CACNA2D3: variants seen among roughly 807,000 people sequenced by gnomAD.
The protein encoded by CACNA2D3 is voltage-dependent calcium channel subunit alpha-2/delta-3.
Under a neutral mutation model 160.6 loss-of-function variants are expected in CACNA2D3, and 60 were observed. The observed-to-expected ratio is 0.37, with a 90% CI of 0.30 to 0.46. The LOEUF (loss-of-function observed/expected upper bound fraction) is 0.46, where lower values mean the gene tolerates loss of function less well. CACNA2D3 is among the 20% of genes least tolerant of loss of function. The probability of loss-of-function intolerance (pLI) is 1.00; values close to 1 mark genes in which losing one functional copy is unlikely to be tolerated. For synonymous variants in CACNA2D3, 558 were observed against 492.9 expected (o/e 1.13, Z -1.75); for missense variants, 1,205 against 1,365.0 (o/e 0.88, Z 1.85).
intron 2 of CACNA2D3, among the ~76,000 whole-genome samples, chr3:54,134,154 C>T (rs1699771540): frequency 6.6e-6 from 1 of 152,144 alleles, no homozygotes; most frequent in Non-Finnish European, 1.5e-5. Context: ...AGCCACAGCC[C>T]TGGACTCACT....
Position 54,969,829 on chromosome 3 carries a change from C to A in CACNA2D3, c.2541C>A (p.Ile847=). The A allele has an allele frequency of 6.2e-7, 1 of 1,613,562 alleles. No individual in the cohort carries two copies. The highest frequency in any genetic ancestry group is 8.5e-7 in the Non-Finnish European group (1 of 1,179,654). Reference sequence around the variant, plus strand: ...CTTCCCTGGATGGCAAATGCTCCATCAGCTGTGATGATGAGGTAAGACGGC... The same window carrying A: ...CTTCCCTGGATGGCAAATGCTCCATAAGCTGTGATGATGAGGTAAGACGGC... ...QCASLDGKCS[I]SCDDETVNCY... is the part of the protein sequence containing the mutation. The change falls in exon 29 of 38, where the codon ATC becomes ATA. Residue 847 remains isoleucine (I), a synonymous_variant. Transcript: ENST00000474759.
chr3:54,502,806 C>T (rs1295398089), intron 4 of CACNA2D3, among the ~76,000 whole-genome samples: 1 of 152,194 alleles, frequency 6.6e-6, no homozygotes, highest in Admixed American at 6.5e-5. Context: ...TGAGTTAACA[C>T]ATGAAAAGCA....
At chr3:54,897,646 T>C (rs901879763) in intron 26 of CACNA2D3, among the ~76,000 whole-genome samples, 4 of 152,230 alleles carry the variant, frequency 2.6e-5, no homozygotes, top group Non-Finnish European at 5.9e-5. Context: ...ATATTTTACA[T>C]ATATCAGTTC....
chr3:54,422,663 A>AATGATG (rs539482855), intron 4 of CACNA2D3, among the ~76,000 whole-genome samples: 19 of 151,920 alleles, frequency 1.3e-4, no homozygotes, highest in African/African-American at 4.6e-4. Flanking sequence ...GCAAAATAAT[A>AATGATG]ATGATGATGA....
At chr3:54,690,582 A>G (rs997383683) in intron 11 of CACNA2D3, among the ~76,000 whole-genome samples, 4 of 152,056 alleles carry the variant, frequency 2.6e-5, no homozygotes, top group African/African-American at 9.7e-5. Flanking sequence ...TTATCTGGCT[A>G]GTGGTATTTG....
At chr3:54,429,348 G>A (rs1699954772) in intron 4 of CACNA2D3, among the ~76,000 whole-genome samples, 2 of 152,260 alleles carry the variant, frequency 1.3e-5, no homozygotes, top group South Asian at 2.1e-4. Context: ...ATAATGGCAA[G>A]CAGTTTTTTT....
intron 9 of CACNA2D3, among the ~76,000 whole-genome samples, chr3:54,602,427 G>A (rs1342389491): frequency 6.7e-6 from 1 of 149,296 alleles, no homozygotes. Flanking sequence ...GAACCTGGGA[G>A]GTGGAGGTTG....
At chr3:54,166,721 TATCAG>T (rs1700464910) in intron 2 of CACNA2D3, among the ~76,000 whole-genome samples, 1 of 152,232 alleles carries the variant, frequency 6.6e-6, no homozygotes, top group South Asian at 2.1e-4. Context: ...TTGTTGCACT[TATCAG>T]ATAACTTTAT....
intron 4 of CACNA2D3, among the ~76,000 whole-genome samples, chr3:54,444,177 T>A (rs537667384): frequency 3.5e-4 from 53 of 152,356 alleles, no homozygotes; most frequent in Non-Finnish European, 6.6e-4. Context: ...GGTGCCCAGC[T>A]GTCTCCTAGC....
At chr3:54,452,006 T>C (rs2106819311) in intron 4 of CACNA2D3, among the ~76,000 whole-genome samples, 1 of 152,320 alleles carries the variant, frequency 6.6e-6, no homozygotes, top group South Asian at 2.1e-4. Flanking sequence ...AATAACATGT[T>C]CATAATTTCC....
At chr3:54,175,339 G>A (rs1012447264) in intron 2 of CACNA2D3, among the ~76,000 whole-genome samples, 1 of 152,004 alleles carries the variant, frequency 6.6e-6, no homozygotes, top group Non-Finnish European at 1.5e-5. Context: ...GATTAAGGCC[G>A]GGCGCGGTGG....
At chr3:54,651,379 C>T (rs1406669138) in intron 11 of CACNA2D3, among the ~76,000 whole-genome samples, 7 of 148,588 alleles carry the variant, frequency 4.7e-5, no homozygotes, top group African/African-American at 1.8e-4. Flanking sequence ...AAGATGAGTG[C>T]GATTTCCGTG....
chr3:54,906,641 A>C (rs1000278983), intron 27 of CACNA2D3, among the ~76,000 whole-genome samples: 2 of 152,202 alleles, frequency 1.3e-5, no homozygotes, highest in African/African-American at 4.8e-5. Context: ...AGGTTCTACA[A>C]CCAGAGCTGA....
At chr3:54,525,939 T>A (rs1048919683) in intron 5 of CACNA2D3, among the ~76,000 whole-genome samples, 8 of 152,112 alleles carry the variant, frequency 5.3e-5, no homozygotes, top group Non-Finnish European at 1.2e-4. Context: ...GTTTCTTCTC[T>A]TTGTTCTCTC....
chr3:54,436,627 C>A (rs979880320), intron 4 of CACNA2D3, among the ~76,000 whole-genome samples: 1 of 152,152 alleles, frequency 6.6e-6, no homozygotes, highest in African/African-American at 2.4e-5. Flanking sequence ...ATGTCCTTTG[C>A]AGGGACATGG....
intron 4 of CACNA2D3, among the ~76,000 whole-genome samples, chr3:54,393,527 C>T (rs1699318395): frequency 6.6e-6 from 1 of 152,204 alleles, no homozygotes; most frequent in Non-Finnish European, 1.5e-5. Flanking sequence ...TACATGCTAC[C>T]CCAGGGGCCA....
At chr3:54,226,630 G>T (rs1232002442) in intron 2 of CACNA2D3, among the ~76,000 whole-genome samples, 2 of 151,912 alleles carry the variant, frequency 1.3e-5, no homozygotes, top group African/African-American at 2.4e-5. Flanking sequence ...TAGGATATTT[G>T]CCCCTTGATT....
chr3:54,610,011 T>A (rs1460718325), intron 9 of CACNA2D3, among the ~76,000 whole-genome samples: 5 of 152,186 alleles, frequency 3.3e-5, no homozygotes, highest in Non-Finnish European at 7.4e-5. Flanking sequence ...CCTTGCCTCT[T>A]CTAGCCTCTG....
chr3:54,571,270 AG>A (rs1424608331), intron 8 of CACNA2D3, among the ~76,000 whole-genome samples: 1 of 152,158 alleles, frequency 6.6e-6, no homozygotes, highest in Non-Finnish European at 1.5e-5. Flanking sequence ...CAGAGAGAAT[AG>A]GTTGTAAAAT....
Sources: allele counts gnomAD v4.1 joint callset (sites outside exome capture counted in the v4.1 genomes callset), GRCh38; gene constraint gnomAD v4.1.1; transcripts MANE v1.5; gene names NCBI Gene and HGNC (gene_info 2026-07-23, HGNC 2026-07-21).